FOXN3: variants seen among roughly 807,000 people sequenced by gnomAD.
FOXN3 encodes forkhead box protein N3.
A neutral mutation model predicts 38.4 loss-of-function variants in FOXN3; 7 were observed. That is an observed-to-expected ratio of 0.18 (90% CI 0.10 to 0.34). The LOEUF (loss-of-function observed/expected upper bound fraction) is 0.34. Ranked by LOEUF, FOXN3 falls within the 10% of genes least tolerant of loss-of-function variation. The probability of loss-of-function intolerance (pLI) is 1.00; values close to 1 mark genes in which losing one functional copy is unlikely to be tolerated. For synonymous variants in FOXN3, 230 were observed against 242.2 expected (o/e 0.95, Z 0.47); for missense variants, 456 against 613.4 (o/e 0.74, Z 2.71).
intron 4 of FOXN3, among the ~76,000 whole-genome samples, chr14:89,191,512 G>A (rs1055743658): frequency 6.6e-6 from 1 of 152,112 alleles, no homozygotes; most frequent in African/African-American, 2.4e-5. Flanking sequence ...GGGGACAAGG[G>A]GCTCGCACTT....
intron 1 of FOXN3, among the ~76,000 whole-genome samples, chr14:89,556,403 CAAAA>C (rs1370155737): frequency 2.1e-5 from 2 of 93,714 alleles, no homozygotes; most frequent in Admixed American, 1.2e-4. Flanking sequence ...AACTCCATCT[CAAAA>C]AAAAAAAAAA....
rs141465028 is a variant in FOXN3, at chr14:89,599,730, G to A, written c.-15+19298C>T. ...GGCTTCAGGCAGACATCTAGGCTAG[G>A]GGCACTAATCTGAAATTATTTGAGT... On this transcript the variant is annotated intron_variant, in intron 1 of 6. Coordinates refer to the FOXN3 transcript ENST00000345097. Among the ~76,000 whole-genome samples, 77 of 151,976 alleles carry A rather than the reference G, an allele frequency of 5.1e-4. No individual in the cohort carries two copies. The Middle Eastern group carries it at 0.017, about 34-fold the overall frequency.
chr14:89,282,487 C>T (rs75016109), intron 3 of FOXN3, among the ~76,000 whole-genome samples: 1,909 of 152,188 alleles, frequency 0.013, 40 homozygotes, highest in African/African-American at 0.044. Context: ...CTTACTGTTT[C>T]GGGGCACTTA....
chr14:89,483,271 C>T (rs1893377913), intron 1 of FOXN3, among the ~76,000 whole-genome samples: 1 of 152,096 alleles, frequency 6.6e-6, no homozygotes, highest in Admixed American at 6.5e-5. Context: ...AGCCAGGAAG[C>T]CATGTTTTGA....
chr14:89,519,572 G>C (rs376976381), intron 1 of FOXN3, among the ~76,000 whole-genome samples: 3 of 152,262 alleles, frequency 2.0e-5, no homozygotes, highest in South Asian at 2.1e-4. Flanking sequence ...AGAGAGTCTG[G>C]AGCCAGAAGG....
chr14:89,209,206 G>A (rs549187168), intron 4 of FOXN3, among the ~76,000 whole-genome samples: 6 of 152,336 alleles, frequency 3.9e-5, no homozygotes, highest in South Asian at 2.1e-4. Context: ...CTTATCTGGC[G>A]GCCACGTTAA....
intron 4 of FOXN3, among the ~76,000 whole-genome samples, chr14:89,197,997 AC>A (rs1007151442): frequency 1.3e-5 from 2 of 152,108 alleles, no homozygotes; most frequent in Non-Finnish European, 2.9e-5. Context: ...GCATTAATTA[AC>A]CCCCTACAAT....
chr14:89,558,878 C>T (rs905172117), intron 1 of FOXN3, among the ~76,000 whole-genome samples: 11 of 152,152 alleles, frequency 7.2e-5, no homozygotes, highest in Admixed American at 2.6e-4. Context: ...CTGACTGAGA[C>T]GCTTAGTGCA....
chr14:89,612,349 G>A (rs1217157345), intron 1 of FOXN3, among the ~76,000 whole-genome samples: 2 of 152,124 alleles, frequency 1.3e-5, no homozygotes. Context: ...GTGTCAAGAG[G>A]CCATTCTAAA....
At chr14:89,358,738 A>T (rs919189079) in intron 2 of FOXN3, among the ~76,000 whole-genome samples, 3 of 152,116 alleles carry the variant, frequency 2.0e-5, no homozygotes, top group African/African-American at 7.2e-5. Flanking sequence ...GGCCAGTACC[A>T]CCCATGTGTG....
chr14:89,397,495 AC>A (rs1349477602), intron 2 of FOXN3, among the ~76,000 whole-genome samples: 2 of 151,332 alleles, frequency 1.3e-5, no homozygotes, highest in Non-Finnish European at 2.9e-5. Context: ...CTCTGCAAGA[AC>A]CTCTAGGGCA....
chr14:89,572,118 G>A (rs1414179765), intron 1 of FOXN3, among the ~76,000 whole-genome samples: 1 of 152,128 alleles, frequency 6.6e-6, no homozygotes, highest in East Asian at 1.9e-4. Context: ...CGGTAACAAT[G>A]GAATGGAGGA....
rs752534266 is a variant in FOXN3, at chr14:89,412,177, G to A, written c.300C>T (p.His100=). Residue 100 remains histidine (H), a synonymous_variant, in exon 2 of 6, where the codon CAC becomes CAT. Coordinates refer to ENST00000557258, the MANE Select transcript of FOXN3 (RefSeq NM_005197.4). This position sits in a 1 kb window ranked among gnomAD's most constrained non-coding sequence, Gnocchi z 4.7. The part of the protein sequence containing the change: ...LDDDTPPSPA[H]SDMPYDARQN... ...GCCTGGCATCGTAGGGCATGTCAGA[G>A]TGGGCAGGGGATGGGGGGGTGTCAT... 2 of 1,612,746 alleles carry A rather than the reference G, an allele frequency of 1.2e-6. No individual in the cohort carries two copies. The highest frequency in any genetic ancestry group is 1.7e-6 in the Non-Finnish European group (2 of 1,179,106).
intron 4 of FOXN3, among the ~76,000 whole-genome samples, chr14:89,249,599 A>G (rs948578679): frequency 6.6e-6 from 1 of 152,230 alleles, no homozygotes; most frequent in Non-Finnish European, 1.5e-5. Context: ...TTACTACACC[A>G]TTCATTTGGA....
chr14:89,276,177 G>T (rs898865873), intron 4 of FOXN3, among the ~76,000 whole-genome samples: 9 of 152,132 alleles, frequency 5.9e-5, no homozygotes, highest in Non-Finnish European at 1.3e-4. Flanking sequence ...TACTTGGAAG[G>T]CTGAGGCAGA....
intron 1 of FOXN3, among the ~76,000 whole-genome samples, chr14:89,585,769 AAAAGAAAGGAAGG>A (rs1472128041): frequency 6.6e-6 from 1 of 151,808 alleles, no homozygotes; most frequent in African/African-American, 2.4e-5. Context: ...AAAAAAAAAA[AAAAGAAAGGAAGG>A]AAGAAAGAAA....
At chr14:89,588,116 G>A (rs926992846) in intron 1 of FOXN3, among the ~76,000 whole-genome samples, 4 of 152,052 alleles carry the variant, frequency 2.6e-5, no homozygotes, top group African/African-American at 9.7e-5. Context: ...CTTCACAATA[G>A]TGACTTCTCG....
chr14:89,514,018 C>A (rs755075150), intron 1 of FOXN3, among the ~76,000 whole-genome samples: 1 of 152,118 alleles, frequency 6.6e-6, no homozygotes, highest in Non-Finnish European at 1.5e-5. Flanking sequence ...GAAGAGACAT[C>A]GCTGTCTTTG....
chr14:89,469,476 G>A (rs1208652770), intron 1 of FOXN3, among the ~76,000 whole-genome samples: 1 of 152,360 alleles, frequency 6.6e-6, no homozygotes, highest in Non-Finnish European at 1.5e-5. Flanking sequence ...TGAGGTTCAA[G>A]GGTGTTTTTC....
Sources: gnomAD v4.1 joint callset for allele counts (sites outside exome capture counted in the v4.1 genomes callset) on GRCh38, gnomAD v4.1.1 for gene constraint, Gnocchi (gnomAD v3.1) non-coding constraint, MANE v1.5 for transcripts, NCBI Gene and HGNC (gene_info 2026-07-23, HGNC 2026-07-21) for gene names.